The following LRP1B variants were observed in gnomAD, a reference collection of about 807,000 sequenced individuals.
LRP1B encodes LDL receptor related protein 1B.
A neutral mutation model predicts 556.6 loss-of-function variants in LRP1B; 217 were observed. That is an observed-to-expected ratio of 0.39 (90% CI 0.35 to 0.44). The LOEUF (loss-of-function observed/expected upper bound fraction) is 0.44. LRP1B is among the 20% of genes least tolerant of loss of function. LRP1B has a pLI of 1.00. For synonymous variants in LRP1B, 2,047 were observed against 1,865.8 expected, an observed-to-expected ratio of 1.10 and a Z score of -2.50; for missense variants, 5,053 against 5,620.8, an observed-to-expected ratio of 0.90 and a Z score of 3.23.
intron 3 of LRP1B, among the ~76,000 whole-genome samples, chr2:141,302,816 AT>A (rs1355868429): frequency 1.3e-5 from 2 of 152,112 alleles, no homozygotes; most frequent in Admixed American, 6.5e-5. Flanking sequence ...GTTATACATG[AT>A]TTAAGTACTT....
intron 41 of LRP1B, among the ~76,000 whole-genome samples, chr2:140,616,515 T>A (rs1186650583): frequency 6.8e-6 from 1 of 146,816 alleles, no homozygotes; most frequent in Admixed American, 6.9e-5. Context: ...AAAGCTGGAG[T>A]GAAAAAAAGT....
intron 15 of LRP1B, among the ~76,000 whole-genome samples, chr2:140,996,838 A>G (rs1418599864): frequency 6.6e-6 from 1 of 152,032 alleles, no homozygotes; most frequent in Non-Finnish European, 1.5e-5. Context: ...GAAGAGAGTC[A>G]AAGTTCCACC....
chr2:140,627,258 C>T (rs891649296), intron 41 of LRP1B, among the ~76,000 whole-genome samples: 9 of 151,984 alleles, frequency 5.9e-5, no homozygotes, highest in Admixed American at 4.6e-4. Context: ...GATGTGTCTG[C>T]GAGGGTGTTG....
intron 3 of LRP1B, among the ~76,000 whole-genome samples, chr2:141,339,344 A>G (rs962355709): frequency 3.3e-5 from 5 of 151,824 alleles, no homozygotes; most frequent in African/African-American, 1.2e-4. Flanking sequence ...TTAATTGAAC[A>G]TATAATGAAC....
intron 11 of LRP1B, among the ~76,000 whole-genome samples, chr2:141,039,969 T>A: frequency 6.6e-6 from 1 of 152,132 alleles, no homozygotes; most frequent in Non-Finnish European, 1.5e-5. Context: ...AAGTAAATTC[T>A]ATGAAAATGT....
chr2:141,254,664 T>C (rs940295511), intron 3 of LRP1B, 23 bp from the exon 4 acceptor site: 1 of 1,538,788 alleles, frequency 6.5e-7, no homozygotes, highest in African/African-American at 1.4e-5. Flanking sequence ...AACAAATATA[T>C]TCTCTATATT....
At chr2:140,387,318 T>C (rs1445924223) in intron 66 of LRP1B, among the ~76,000 whole-genome samples, 2 of 152,202 alleles carry the variant, frequency 1.3e-5, no homozygotes, top group Non-Finnish European at 2.9e-5. Context: ...GGTATACTTA[T>C]GAAAATTAAA....
chr2:141,383,576 A>G (rs1164435240), intron 3 of LRP1B, among the ~76,000 whole-genome samples: 1 of 152,178 alleles, frequency 6.6e-6, no homozygotes, highest in Non-Finnish European at 1.5e-5. Context: ...TATGTCAAAA[A>G]TGTATTTAAT....
intron 41 of LRP1B, among the ~76,000 whole-genome samples, chr2:140,643,258 T>C (rs1684367300): frequency 6.6e-6 from 1 of 152,146 alleles, no homozygotes; most frequent in South Asian, 2.1e-4. Context: ...TTTTCCTCTT[T>C]GAGTGGTTTT....
At chr2:141,099,459 C>T (rs529818417) in intron 7 of LRP1B, among the ~76,000 whole-genome samples, 15 of 152,276 alleles carry the variant, frequency 9.9e-5, no homozygotes, top group African/African-American at 2.4e-4. Flanking sequence ...ACTAGATGGA[C>T]GTCAATCTTT....
intron 5 of LRP1B, among the ~76,000 whole-genome samples, chr2:141,237,886 GGCAAGTGTTTAGTA>G (rs1209421075): frequency 6.6e-6 from 1 of 152,068 alleles, no homozygotes; most frequent in African/African-American, 2.4e-5. Context: ...CTTAGCACGT[GGCAAGTGTTTAGTA>G]CATGAATGAA....
chr2:141,047,030 C>A (rs925776384), intron 11 of LRP1B, among the ~76,000 whole-genome samples: 1 of 113,860 alleles, frequency 8.8e-6, no homozygotes, highest in Non-Finnish European at 1.9e-5. Flanking sequence ...TGCAGTGAGC[C>A]AAGATTGCAG....
chr2:141,569,634 G>C (rs1484485806), intron 2 of LRP1B, among the ~76,000 whole-genome samples: 1 of 151,066 alleles, frequency 6.6e-6, no homozygotes, highest in Non-Finnish European at 1.5e-5. Flanking sequence ...TACTATAGAA[G>C]TTGGACTCAG....
intron 7 of LRP1B, among the ~76,000 whole-genome samples, chr2:141,062,534 T>C (rs1699364206): frequency 6.6e-6 from 1 of 151,790 alleles, no homozygotes; most frequent in Non-Finnish European, 1.5e-5. Context: ...ATTTTTGTAT[T>C]AGCAGAAATG....
chr2:141,601,002 A>G (rs1198043427), intron 2 of LRP1B, among the ~76,000 whole-genome samples: 2 of 152,172 alleles, frequency 1.3e-5, no homozygotes, highest in Non-Finnish European at 2.9e-5. Context: ...AAGCACACCT[A>G]TATCTATACC....
At chr2:141,827,391 T>C (rs939639465) in intron 1 of LRP1B, among the ~76,000 whole-genome samples, 1 of 152,230 alleles carries the variant, frequency 6.6e-6, no homozygotes, top group African/African-American at 2.4e-5. Flanking sequence ...TTATGTTTTT[T>C]AAATAGGAGG....
At chr2:141,766,255 G>A (rs896573808) in intron 2 of LRP1B, among the ~76,000 whole-genome samples, 1 of 152,184 alleles carries the variant, frequency 6.6e-6, no homozygotes, top group East Asian at 1.9e-4. Flanking sequence ...ATAAGCAGCA[G>A]ATTTGGGTGA....
chr2:141,284,343 A>G (rs539763061), intron 3 of LRP1B, among the ~76,000 whole-genome samples: 30 of 152,338 alleles, frequency 2.0e-4, no homozygotes, highest in African/African-American at 7.2e-4. Flanking sequence ...GAAAATTATA[A>G]TGACTTGAAT....
chr2:141,737,438 G>C (rs1162988711), intron 2 of LRP1B, among the ~76,000 whole-genome samples: 1 of 152,210 alleles, frequency 6.6e-6, no homozygotes. Flanking sequence ...CTAGCATACA[G>C]AGCTTCTTAA....
Sources: allele counts gnomAD v4.1 joint callset (sites outside exome capture counted in the v4.1 genomes callset), GRCh38; gene constraint gnomAD v4.1.1; transcripts MANE v1.5; gene names NCBI Gene and HGNC (gene_info 2026-07-23, HGNC 2026-07-21).